The following LRFN2 variants were observed in gnomAD, a reference collection of about 807,000 sequenced individuals.
LRFN2 encodes leucine rich repeat and fibronectin type III domain containing 2, also known as leucine-rich repeat and fibronectin type-III domain-containing protein 2.
LRFN2 carries 18 observed loss-of-function variants against 37.3 expected under a neutral mutation model. The ratio of observed to expected loss-of-function variants is 0.48; its 90% confidence interval spans 0.33 to 0.72. LRFN2 has a LOEUF of 0.72. Among genes scored for constraint, LRFN2 ranks in the 30% least tolerant of loss-of-function variants. The pLI is 0.02. For missense variants in LRFN2, 1,006 were observed against 1,060.7 expected, an observed-to-expected ratio of 0.95 and a Z score of 0.72; for synonymous variants, 556 against 466.6, an observed-to-expected ratio of 1.19 and a Z score of -2.47.
intron 1 of LRFN2, among the ~76,000 whole-genome samples, chr6:40,457,083 C>T (rs1444888337): frequency 6.6e-6 from 1 of 152,058 alleles, no homozygotes; most frequent in Non-Finnish European, 1.5e-5. Context: ...GTTCTCTCCT[C>T]CTCCTCTTCC....
intron 1 of LRFN2, among the ~76,000 whole-genome samples, chr6:40,535,716 G>T (rs1053955347): frequency 1.3e-5 from 2 of 152,154 alleles, no homozygotes; most frequent in Non-Finnish European, 1.5e-5. Context: ...CAGGTGGGGA[G>T]GAAGGAGAAC....
At chr6:40,583,361 C>A (rs930155722) in intron 1 of LRFN2, among the ~76,000 whole-genome samples, 14 of 152,198 alleles carry the variant, frequency 9.2e-5, no homozygotes, top group African/African-American at 3.4e-4. Context: ...ACCAGTCCCA[C>A]CCAATTATGT....
At chr6:40,443,021 A>G (rs1019057859) in intron 1 of LRFN2, among the ~76,000 whole-genome samples, 3 of 152,210 alleles carry the variant, frequency 2.0e-5, no homozygotes, top group African/African-American at 4.8e-5. Context: ...CCCTCTTATT[A>G]TTAAAACAAA....
At position 40,418,522 on chromosome 6, in the gene LRFN2, TAA is replaced by T. The variant is rs1763146780; in HGVS notation, c.1400+13190_1400+13191del. 3.3e-5 allele frequency among the ~76,000 whole-genome samples: 5 copies of T among 152,244 alleles called. No homozygotes were observed. In the South Asian group the frequency reaches 1.0e-3, roughly 32 times the overall value. ...CAATCCTGAGGTCTTGACCAGACAATAAATATTTATTGACTGAATAAATGAAT... is the reference window on the plus strand; with the variant it reads ...CAATCCTGAGGTCTTGACCAGACAATATATTTATTGACTGAATAAATGAAT... On this transcript the variant is annotated intron_variant, in intron 2 of 2. Coordinates refer to ENST00000338305, the MANE Select transcript of LRFN2 (RefSeq NM_020737.3).
At chr6:40,419,484 T>TGCCCA (rs972920833) in intron 2 of LRFN2, among the ~76,000 whole-genome samples, 2 of 152,202 alleles carry the variant, frequency 1.3e-5, no homozygotes, top group African/African-American at 4.8e-5. Flanking sequence ...AGTGCAGTCC[T>TGCCCA]GCCCAGCCCA....
At chr6:40,523,356 G>T (rs1341793612) in intron 1 of LRFN2, among the ~76,000 whole-genome samples, 1 of 152,068 alleles carries the variant, frequency 6.6e-6, no homozygotes, top group Non-Finnish European at 1.5e-5. Context: ...CACGCAAAAT[G>T]GGGCACACCC....
At chr6:40,487,699 T>C (rs1009248615) in intron 1 of LRFN2, among the ~76,000 whole-genome samples, 21 of 152,202 alleles carry the variant, frequency 1.4e-4, no homozygotes, top group African/African-American at 4.8e-4. Flanking sequence ...AAGGATGGGA[T>C]GGCTAGGATT....
At chr6:40,437,324 T>C (rs575881176) in intron 1 of LRFN2, among the ~76,000 whole-genome samples, 1 of 152,280 alleles carries the variant, frequency 6.6e-6, no homozygotes, top group Admixed American at 6.5e-5. Context: ...CCATCCTTTG[T>C]GCCCTTCTAC....
chr6:40,457,974 T>A (rs780485155), intron 1 of LRFN2, among the ~76,000 whole-genome samples: 1 of 152,212 alleles, frequency 6.6e-6, no homozygotes, highest in Non-Finnish European at 1.5e-5. Context: ...AATGAAGCTA[T>A]CATTAGCCTG....
At chr6:40,513,181 G>A (rs1234028210) in intron 1 of LRFN2, among the ~76,000 whole-genome samples, 1 of 152,058 alleles carries the variant, frequency 6.6e-6, no homozygotes, top group African/African-American at 2.4e-5. Flanking sequence ...TTCATTTGAA[G>A]GAATATAGCA....
At position 40,391,798 on chromosome 6, in the gene LRFN2, A is replaced by C; in HGVS notation, c.*145T>G. On this transcript the variant is annotated 3_prime_UTR_variant, in exon 3 of 3. Coordinates refer to ENST00000338305, the MANE Select transcript of LRFN2 (RefSeq NM_020737.3). ...GGAGGTGATGTGGGTGTTGCGGGGT[A>C]GGGGGGGACACGAGGCCATTGACAG... 1 of 754,714 alleles carries C rather than the reference A, an allele frequency of 1.3e-6. No individual in the cohort carries two copies. 46.8% of individuals were successfully genotyped at this position (754,714 alleles called of 1,614,324 possible).
chr6:40,397,913 C>T (rs1184661475), intron 2 of LRFN2, among the ~76,000 whole-genome samples: 3 of 151,816 alleles, frequency 2.0e-5, no homozygotes, highest in African/African-American at 7.2e-5. Context: ...TCAGACACTA[C>T]AGAAGTCAAG....
At chr6:40,487,591 G>A (rs1764992961) in intron 1 of LRFN2, among the ~76,000 whole-genome samples, 1 of 152,252 alleles carries the variant, frequency 6.6e-6, no homozygotes, top group South Asian at 2.1e-4. Flanking sequence ...AAGGTGCATG[G>A]CCTCTGGCTT....
intron 1 of LRFN2, among the ~76,000 whole-genome samples, chr6:40,535,235 A>G (rs951242942): frequency 6.6e-6 from 1 of 152,148 alleles, no homozygotes; most frequent in African/African-American, 2.4e-5. Context: ...GTCAAATGAG[A>G]TGATGAAAGG....
At chr6:40,468,559 T>A (rs929646488) in intron 1 of LRFN2, among the ~76,000 whole-genome samples, 1 of 152,050 alleles carries the variant, frequency 6.6e-6, no homozygotes, top group Non-Finnish European at 1.5e-5. Context: ...AAGAAAACTG[T>A]AATAAAAGTG....
chr6:40,452,372 C>T (rs892362051), intron 1 of LRFN2, among the ~76,000 whole-genome samples: 3 of 152,156 alleles, frequency 2.0e-5, no homozygotes, highest in Admixed American at 6.5e-5. Context: ...TGCTGACATC[C>T]CAAACCAACA....
intron 1 of LRFN2, among the ~76,000 whole-genome samples, chr6:40,481,111 T>C (rs1416648248): frequency 6.6e-6 from 1 of 152,080 alleles, no homozygotes; most frequent in African/African-American, 2.4e-5. Context: ...GGAATGTAAA[T>C]CTTCTGGGGG....
chr6:40,482,102 C>T (rs903856796), intron 1 of LRFN2, among the ~76,000 whole-genome samples: 1 of 152,122 alleles, frequency 6.6e-6, no homozygotes, highest in South Asian at 2.1e-4. Flanking sequence ...GGGGCTGGCC[C>T]TTGTATCCCT....
intron 1 of LRFN2, among the ~76,000 whole-genome samples, chr6:40,450,851 G>A (rs972647716): frequency 3.3e-5 from 5 of 152,284 alleles, no homozygotes; most frequent in East Asian, 3.9e-4. Context: ...GTATTATCTC[G>A]AGGAGTACAA....
Sources: gnomAD v4.1 joint callset for allele counts (sites outside exome capture counted in the v4.1 genomes callset) on GRCh38, gnomAD v4.1.1 for gene constraint, MANE v1.5 for transcripts, NCBI Gene and HGNC (gene_info 2026-07-23, HGNC 2026-07-21) for gene names.